Variants in TPO observed in about 807,000 individuals in gnomAD.
The protein encoded by TPO is thyroid peroxidase, also known as thyroid microsomal antigen.
TPO carries 78 observed loss-of-function variants against 96.9 expected under a neutral mutation model. That is an observed-to-expected ratio of 0.81 (90% CI 0.67 to 0.97). The LOEUF (loss-of-function observed/expected upper bound fraction) is 0.97, where lower values mean the gene tolerates loss of function less well. Ranked by LOEUF, TPO falls within the 50% of genes least tolerant of loss-of-function variation. TPO has a pLI of 0.00. For synonymous variants in TPO, 547 were observed against 538.0 expected (o/e 1.02, Z -0.23); for missense variants, 1,252 against 1,274.8 (o/e 0.98, Z 0.27).
In TPO at chr2:1,542,736, T is replaced by A; in HGVS notation, c.*262T>A. On this transcript the variant is annotated 3_prime_UTR_variant, in exon 17 of 17. Transcript: ENST00000329066. ...AATGTATTTACAGATTACACATCTT[T>A]ATTTTGTGAACCCTGGAAACACCAC... 9.8e-7 allele frequency: 1 copy of A among 1,024,934 alleles called. No individual in the cohort carries two copies. Among genetic ancestry groups the A allele is most frequent in the Non-Finnish European group, 1.4e-6 (1 of 716,724 alleles). The allele number at this position is 1,024,934 out of a possible 1,614,324, so 63.5% of individuals were successfully genotyped here.
chr2:1,529,899 C>G (rs113855224), intron 15 of TPO, among the ~76,000 whole-genome samples: 2 of 127,756 alleles, frequency 1.6e-5, no homozygotes, highest in Non-Finnish European at 3.2e-5. Context: ...ATCCCTCCCA[C>G]TCTGTGCAAA....
At chr2:1,457,215 T>C (rs1667882200) in intron 7 of TPO, among the ~76,000 whole-genome samples, 2 of 85,608 alleles carry the variant, frequency 2.3e-5, no homozygotes, top group African/African-American at 4.8e-5. Context: ...TGTATGATAG[T>C]GTGTGGGCAG....
In TPO at chr2:1,462,541, C is replaced by CACACACACAT. The variant is rs58980999; in HGVS notation, c.819+6260_819+6261insCACACACATA. Among the ~76,000 whole-genome samples the CACACACACAT allele has an allele frequency of 1.0e-2, 1,477 of 148,006 alleles. 123 individuals are homozygous for CACACACACAT. The highest frequency in any genetic ancestry group is 0.034 in the African/African-American group (1,347 of 39,364). On this transcript the variant is annotated intron_variant, in intron 7 of 16. Coordinates refer to ENST00000329066, the MANE Select transcript of TPO (RefSeq NM_001206744.2). ...AAACACACACACACACACACACACACAGATATCAATGAAAGATAAATGAAC... is the reference window on the plus strand; with the variant it reads ...AAACACACACACACACACACACACACACACACACATAGATATCAATGAAAGATAAATGAAC...
intron 2 of TPO, among the ~76,000 whole-genome samples, chr2:1,415,973 C>T (rs12328748): frequency 0.13 from 19,423 of 152,076 alleles, 1,440 homozygotes; most frequent in African/African-American, 0.2. Context: ...GGTCACTGCC[C>T]GCTCTGAGAT....
chr2:1,378,860 G>T (rs1661762271), intron 1 of TPO, among the ~76,000 whole-genome samples: 1 of 151,946 alleles, frequency 6.6e-6, no homozygotes, highest in Non-Finnish European at 1.5e-5. Flanking sequence ...ATTGGATTCT[G>T]CCTCCCCCTG....
At chr2:1,403,126 C>T (rs1662196495) in intron 1 of TPO, among the ~76,000 whole-genome samples, 1 of 152,196 alleles carries the variant, frequency 6.6e-6, no homozygotes, top group South Asian at 2.1e-4. Context: ...TGACCTAAGC[C>T]CTTTTTTTAA....
At chr2:1,460,881 A>G (rs779265216) in intron 7 of TPO, among the ~76,000 whole-genome samples, 1 of 152,022 alleles carries the variant, frequency 6.6e-6, no homozygotes, top group Non-Finnish European at 1.5e-5. Context: ...GCTCCCCTGG[A>G]GCTGCACTGA....
At chr2:1,524,545 C>T (rs1675980755) in intron 15 of TPO, among the ~76,000 whole-genome samples, 1 of 129,620 alleles carries the variant, frequency 7.7e-6, no homozygotes, top group African/African-American at 3.0e-5. Flanking sequence ...TGTGCAACCT[C>T]AGGTCCCCCA....
chr2:1,459,684 A>G (rs184837700), intron 7 of TPO, among the ~76,000 whole-genome samples: 1 of 152,290 alleles, frequency 6.6e-6, no homozygotes, highest in African/African-American at 2.4e-5. Flanking sequence ...AAATCAAGAC[A>G]TCTAAACAAA....
intron 8 of TPO, among the ~76,000 whole-genome samples, chr2:1,480,805 G>GCTGCGTCTGTCCT (rs1670537388): frequency 7.8e-6 from 1 of 128,554 alleles, no homozygotes; most frequent in African/African-American, 2.6e-5. Flanking sequence ...TCCTCCTGCT[G>GCTGCGTCTGTCCT]CATCCGTCCA....
At chr2:1,509,799 G>T (rs77433403) in intron 14 of TPO, among the ~76,000 whole-genome samples, 1 of 94,300 alleles carries the variant, frequency 1.1e-5, no homozygotes, top group African/African-American at 4.5e-5. Flanking sequence ...CAGGGACACC[G>T]CACCTCTTAT....
intron 14 of TPO, among the ~76,000 whole-genome samples, chr2:1,516,570 G>C (rs946154924): frequency 6.6e-6 from 1 of 152,184 alleles, no homozygotes; most frequent in Non-Finnish European, 1.5e-5. Flanking sequence ...AGCCCTCCCT[G>C]GTTTGGGCAG....
intron 15 of TPO, among the ~76,000 whole-genome samples, chr2:1,528,746 CCA>C (rs1427942514): frequency 1.4e-5 from 2 of 141,894 alleles, no homozygotes; most frequent in South Asian, 4.8e-4. Flanking sequence ...CCCAAATCCC[CCA>C]CACTGTGTGC....
chr2:1,392,026 G>T (rs544982936), intron 1 of TPO, among the ~76,000 whole-genome samples: 117 of 152,186 alleles, frequency 7.7e-4, no homozygotes, highest in Middle Eastern at 3.4e-3. Flanking sequence ...CTGCCTGATT[G>T]CCCTGGCCAG....
At chr2:1,499,022 T>C (rs756367685) in intron 13 of TPO, among the ~76,000 whole-genome samples, 1 of 152,180 alleles carries the variant, frequency 6.6e-6, no homozygotes, top group Non-Finnish European at 1.5e-5. Flanking sequence ...CCTGCGTCTC[T>C]CCTTGCCCAA....
intron 15 of TPO, among the ~76,000 whole-genome samples, chr2:1,535,150 C>A (rs1263531148): frequency 4.0e-4 from 6 of 15,092 alleles, no homozygotes; most frequent in Admixed American, 7.6e-4. Flanking sequence ...TCCCCAAATC[C>A]CCCCCCCCCC....
chr2:1,426,031 C>T (rs1426882761), intron 3 of TPO, among the ~76,000 whole-genome samples: 1 of 148,548 alleles, frequency 6.7e-6, no homozygotes, highest in Non-Finnish European at 1.5e-5. Flanking sequence ...ATTTCATATT[C>T]TCAGAAGTCC....
chr2:1,506,637 A>T (rs1221187344), intron 14 of TPO, among the ~76,000 whole-genome samples: 1 of 152,170 alleles, frequency 6.6e-6, no homozygotes, highest in African/African-American at 2.4e-5. Flanking sequence ...ATGGCCAGTG[A>T]TGGTGAGCAT....
intron 5 of TPO, among the ~76,000 whole-genome samples, chr2:1,444,276 A>G (rs1666532875): frequency 8.1e-6 from 1 of 124,120 alleles, no homozygotes; most frequent in African/African-American, 3.1e-5. Flanking sequence ...TCATTGCTGC[A>G]GGAGGTACCA....
Sources: gnomAD v4.1 joint callset for allele counts (sites outside exome capture counted in the v4.1 genomes callset) on GRCh38, gnomAD v4.1.1 for gene constraint, MANE v1.5 for transcripts, NCBI Gene and HGNC (gene_info 2026-07-23, HGNC 2026-07-21) for gene names.